Variants in OR7A5 observed in about 807,000 individuals in gnomAD.
OR7A5 encodes olfactory receptor 7A5.
For synonymous variants in OR7A5, 140 were observed against 146.7 expected (o/e 0.95, Z 0.33); for missense variants, 319 against 377.9 (o/e 0.84, Z 1.29).
At chr19:14,831,858 T>C (rs2044836491) in intron 1 of OR7A5, among the ~76,000 whole-genome samples, 1 of 152,198 alleles carries the variant, frequency 6.6e-6, no homozygotes, top group Admixed American at 6.5e-5. Context: ...CAGACCATAT[T>C]ACATATTAAA....
At chr19:14,831,184 T>A (rs8109791) in intron 1 of OR7A5, among the ~76,000 whole-genome samples, 1 of 151,990 alleles carries the variant, frequency 6.6e-6, no homozygotes, top group Non-Finnish European at 1.5e-5. Context: ...TAATGATACC[T>A]TTTTTGGCAA....
intron 1 of OR7A5, among the ~76,000 whole-genome samples, chr19:14,828,805 A>G (rs1048248813): frequency 6.8e-6 from 1 of 146,124 alleles, no homozygotes; most frequent in Non-Finnish European, 1.5e-5. Context: ...AACTTCTTCT[A>G]TGAATTTGAG....
rs2044784693 is a variant in OR7A5 at position 14,827,686 on chromosome 19, G to A, written c.556C>T (p.Gln186Ter). 1 of 1,614,162 alleles carries A rather than the reference G, an allele frequency of 6.2e-7. No homozygotes were observed. The highest frequency in any genetic ancestry group is 8.5e-7 in the Non-Finnish European group (1 of 1,180,024). ...HFFCELNQVIQLACSDSFLNH... is the reference protein window; with the variant it reads ...HFFCELNQVI Reference sequence around the variant, plus strand: ...AGAAAGCTATCAGAACAAGCAAGTTGGATGACCTGATTAAGTTCACAGAAA... The same window carrying A: ...AGAAAGCTATCAGAACAAGCAAGTTAGATGACCTGATTAAGTTCACAGAAA... Residue 186 changes from glutamine (Q) to a stop codon, truncating the protein, a stop_gained, in exon 2 of 2, where the codon CAA (glutamine) becomes TAA (stop). Coordinates refer to ENST00000322301, the MANE Select transcript of OR7A5 (RefSeq NM_017506.2). LOFTEE classifies it low-confidence loss of function (END_TRUNC).
At chr19:14,832,202 G>T (rs140272127) in intron 1 of OR7A5, among the ~76,000 whole-genome samples, 8 of 151,998 alleles carry the variant, frequency 5.3e-5, no homozygotes, top group African/African-American at 1.7e-4. Context: ...GAGTCACCTC[G>T]CTTGGCCTGA....
chr19:14,833,124 C>T (rs1007781303), intron 1 of OR7A5, among the ~76,000 whole-genome samples: 7 of 152,138 alleles, frequency 4.6e-5, no homozygotes, highest in African/African-American at 1.7e-4. Flanking sequence ...AGCTATTTGT[C>T]TGGAATAAAT....
At chr19:14,828,474 C>A (rs904985977) in intron 1 of OR7A5, among the ~76,000 whole-genome samples, 2 of 152,118 alleles carry the variant, frequency 1.3e-5, no homozygotes, top group Non-Finnish European at 2.9e-5. Flanking sequence ...AGAATAAGAA[C>A]TTCTGGCTGG....
chr19:14,830,122 CA>C, intron 1 of OR7A5, among the ~76,000 whole-genome samples: 1 of 152,304 alleles, frequency 6.6e-6, no homozygotes, highest in East Asian at 1.9e-4. Flanking sequence ...TTTGGCCTCC[CA>C]AAGTGCTGGA....
Position 14,826,775 on chromosome 19 carries a change from CA to C in OR7A5, c.*506del, listed in dbSNP as rs1233197064. The C allele has an allele frequency of 2.6e-5, 4 of 152,390 alleles. No homozygotes were observed. Among genetic ancestry groups the C allele is most frequent in the Non-Finnish European group, 5.9e-5 (4 of 68,240 alleles). 9.4% of individuals were successfully genotyped at this position (152,390 alleles called of 1,614,324 possible). A position where few individuals can be genotyped will look rare whatever the true frequency, so the allele number is the denominator to read the frequency against. On this transcript the variant is annotated 3_prime_UTR_variant, in exon 2 of 2. Coordinates refer to ENST00000322301, the MANE Select transcript of OR7A5 (RefSeq NM_017506.2). ...GCAGATACTGTGGACATGGCACTGA[CA>C]AAGACATGATGTCCTAATGAGGACA...
chr19:14,833,334 A>T (rs2044852709), intron 1 of OR7A5, among the ~76,000 whole-genome samples: 1 of 152,188 alleles, frequency 6.6e-6, no homozygotes, highest in Non-Finnish European at 1.5e-5. Flanking sequence ...CAAAAATTAG[A>T]TGGGTATGGT....
chr19:14,831,006 G>A (rs1374835344), intron 1 of OR7A5, among the ~76,000 whole-genome samples: 1 of 152,158 alleles, frequency 6.6e-6, no homozygotes, highest in Non-Finnish European at 1.5e-5. Flanking sequence ...GCAAGCCTTT[G>A]CCTCCTTGCA....
At position 14,827,924 on chromosome 19, in the gene OR7A5, G is replaced by C. The variant is rs756419593; in HGVS notation, c.318C>G (p.Leu106=). The stretch of plus-strand genomic sequence containing the variant: ...GGAGGAAGTTTTCAAATCCAGCAAA[G>C]AGTATGAAAAAATACATCTGCATGA... The part of the protein sequence containing the change: ...ACLMQMYFFI[L]FAGFENFLLS... The change falls in exon 2 of 2, where the codon CTC becomes CTG. Residue 106 remains leucine (L), a synonymous_variant. Coordinates refer to ENST00000322301, the MANE Select transcript of OR7A5 (RefSeq NM_017506.2). 3.1e-6 allele frequency: 5 copies of C among 1,614,076 alleles called. No homozygotes were observed. Among genetic ancestry groups the C allele is most frequent in the African/African-American group, 1.3e-5 (1 of 74,922 alleles).
chr19:14,834,259 G>A (rs977408644), intron 1 of OR7A5, among the ~76,000 whole-genome samples: 2 of 152,088 alleles, frequency 1.3e-5, no homozygotes, highest in Non-Finnish European at 2.9e-5. Flanking sequence ...AGGCTTGCAC[G>A]ACAGAGTGAG....
At chr19:14,832,971 T>G (rs544935158) in intron 1 of OR7A5, among the ~76,000 whole-genome samples, 1 of 152,346 alleles carries the variant, frequency 6.6e-6, no homozygotes, top group South Asian at 2.1e-4. Context: ...TAAAAAACTC[T>G]TGCACAGAGC....
At chr19:14,830,229 A>G (rs1376024830) in intron 1 of OR7A5, among the ~76,000 whole-genome samples, 1 of 152,220 alleles carries the variant, frequency 6.6e-6, no homozygotes, top group East Asian at 1.9e-4. Context: ...AAGAAATTCC[A>G]GTTCACAAGT....
chr19:14,828,212 T>C lies in OR7A5; in HGVS notation c.30A>G (p.Ser10=), dbSNP rs758464738. Reference sequence around the variant, plus strand: ...GTGAAAATCCCAGAAGAAGAAATTCTGAAATTTGTGTATCATTTCCTGGTT... The same window carrying C: ...GTGAAAATCCCAGAAGAAGAAATTCCGAAATTTGTGTATCATTTCCTGGTT... MEPGNDTQI[S]EFLLLGFSQE... The change falls in exon 2 of 2, where the codon TCA becomes TCG. Residue 10 remains serine (S), a synonymous_variant. Transcript: ENST00000322301. 6.2e-7 allele frequency: 1 copy of C among 1,612,520 alleles called. No individual in the cohort carries two copies. Among genetic ancestry groups the C allele is most frequent in the Admixed American group, 1.7e-5 (1 of 59,926 alleles).
intron 1 of OR7A5, among the ~76,000 whole-genome samples, chr19:14,831,646 T>C (rs1334381745): frequency 1.3e-5 from 2 of 152,102 alleles, no homozygotes; most frequent in Admixed American, 6.6e-5. Context: ...GGTTTCACCA[T>C]GTTAGCCAGG....
intron 1 of OR7A5, among the ~76,000 whole-genome samples, chr19:14,833,855 A>G (rs1304282277): frequency 6.6e-6 from 1 of 152,188 alleles, no homozygotes; most frequent in Non-Finnish European, 1.5e-5. Context: ...CAGCTGTCAT[A>G]GATTTGTGTT....
At chr19:14,828,341 C>T in intron 1 of OR7A5, 87 bp from the exon 2 acceptor site, 1 of 1,289,254 alleles carries the variant, frequency 7.8e-7, no homozygotes, top group Non-Finnish European at 1.1e-6. Flanking sequence ...ATTTTATAGC[C>T]AATAAATTAT....
At chr19:14,834,391 T>C (rs1346857631) in intron 1 of OR7A5, among the ~76,000 whole-genome samples, 2 of 152,210 alleles carry the variant, frequency 1.3e-5, no homozygotes, top group African/African-American at 2.4e-5. Flanking sequence ...TAGATCACTC[T>C]CTTTGATAAA....
Sources: allele counts gnomAD v4.1 joint callset (sites outside exome capture counted in the v4.1 genomes callset), GRCh38; gene constraint gnomAD v4.1.1; transcripts MANE v1.5; gene names NCBI Gene and HGNC (gene_info 2026-07-23, HGNC 2026-07-21).